The following RASSF8 variants were observed in gnomAD, a reference collection of about 807,000 sequenced individuals.
RASSF8 encodes ras association domain-containing protein 8.
A neutral mutation model predicts 48.5 loss-of-function variants in RASSF8; 22 were observed. That is an observed-to-expected ratio of 0.45 (90% CI 0.32 to 0.65). RASSF8 has a LOEUF of 0.65. Among genes scored for constraint, RASSF8 ranks in the 30% least tolerant of loss-of-function variants. The pLI is 0.03. For missense variants in RASSF8, 418 were observed against 489.2 expected, an observed-to-expected ratio of 0.85 and a Z score of 1.37; for synonymous variants, 127 against 171.5, an observed-to-expected ratio of 0.74 and a Z score of 2.03.
In RASSF8 at chr12:26,070,403, T is replaced by C. The variant is rs1943974114; in HGVS notation, c.*1585T>C. 1 of 985,262 alleles carries C rather than the reference T, an allele frequency of 1.0e-6. No individual in the cohort carries two copies. The allele number at this position is 985,262 out of a possible 1,614,324, so 61.0% of individuals were successfully genotyped here. A position where few individuals can be genotyped will look rare whatever the true frequency, so the allele number is the denominator to read the frequency against. The stretch of plus-strand genomic sequence containing the variant: ...GAAGCTTCTAGAGAACTGAAAGTCA[T>C]AATGCAGAGTTGCCTTTTCTAGTGC... On this transcript the variant is annotated 3_prime_UTR_variant, in exon 6 of 6. Coordinates refer to ENST00000689635, the MANE Select transcript of RASSF8 (RefSeq NM_001394098.1).
At chr12:26,065,464 C>A in intron 4 of RASSF8, 77 bp downstream of exon 4, 4 of 1,473,140 alleles carry the variant, frequency 2.7e-6, no homozygotes, top group Non-Finnish European at 2.7e-6. Context: ...TCATCATTGT[C>A]AATTTTTCCT....
intron 5 of RASSF8, 132 bp downstream of exon 5, chr12:26,067,845 A>T: frequency 8.4e-7 from 1 of 1,193,512 alleles, no homozygotes; most frequent in Admixed American, 2.3e-5. Context: ...GGCTTACTGC[A>T]GCCTCGACCT....
intron 2 of RASSF8, among the ~76,000 whole-genome samples, chr12:26,011,228 G>A (rs974314444): frequency 2.6e-5 from 4 of 152,194 alleles, no homozygotes; most frequent in Non-Finnish European, 5.9e-5. Flanking sequence ...GTTAGCCCCA[G>A]TTCTGCCTAA....
chr12:26,006,431 T>C (rs909148040), intron 2 of RASSF8, among the ~76,000 whole-genome samples: 3 of 152,238 alleles, frequency 2.0e-5, no homozygotes, highest in African/African-American at 7.2e-5. Flanking sequence ...GTTTGAAGAC[T>C]AAATTATATA....
Position 26,065,897 on chromosome 12 carries a change from A to G in RASSF8, c.993+510A>G, listed in dbSNP as rs1943862764. Among the ~76,000 whole-genome samples the G allele has an allele frequency of 2.0e-5, 3 of 152,220 alleles. 1 individual carries two copies. The highest frequency in any genetic ancestry group is 1.3e-4 in the Admixed American group (2 of 15,292). Reference sequence around the variant, plus strand: ...TTTCTGTCTGATTTTCCCCCTTTCTAGTTCACATACGAGAAGTTCTATTTT... The same window carrying G: ...TTTCTGTCTGATTTTCCCCCTTTCTGGTTCACATACGAGAAGTTCTATTTT... On this transcript the variant is annotated intron_variant, in intron 4 of 5. Transcript: ENST00000689635.
At chr12:25,961,161 C>T (rs1013760748) in intron 1 of RASSF8, among the ~76,000 whole-genome samples, 1 of 150,932 alleles carries the variant, frequency 6.6e-6, no homozygotes, top group Non-Finnish European at 1.5e-5. Flanking sequence ...GTTTCTGACT[C>T]ATTAATTGAT....
At position 26,065,448 on chromosome 12, in the gene RASSF8, T is replaced by G. The variant is rs1261140391; in HGVS notation, c.993+61T>G. The stretch of plus-strand genomic sequence containing the variant: ...TGTAAAATAGTATCTTCTTGGAATC[T>G]CCTTTTCATCATTGTCAATTTTTCC... On this transcript the variant is annotated intron_variant, in intron 4 of 5. Coordinates refer to ENST00000689635, the MANE Select transcript of RASSF8 (RefSeq NM_001394098.1). The G allele has an allele frequency of 4.7e-6, 7 of 1,487,756 alleles. No homozygotes were observed. The African/African-American group carries it at 9.9e-5, about 21-fold the overall frequency. The allele number at this position is 1,487,756 out of a possible 1,614,324, so 92.2% of individuals were successfully genotyped here.
chr12:25,994,273 A>AT (rs539646043), intron 1 of RASSF8, among the ~76,000 whole-genome samples: 2 of 39,750 alleles, frequency 5.0e-5, no homozygotes, highest in African/African-American at 1.3e-4. Context: ...GTCTGGATAG[A>AT]TTTTTAAAAA....
chr12:26,077,003 C>A (rs1156705990), downstream of RASSF8, among the ~76,000 whole-genome samples: 2 of 152,228 alleles, frequency 1.3e-5, no homozygotes, highest in Admixed American at 6.5e-5. Flanking sequence ...ATTTGCATTT[C>A]TCTGATGACC....
exon 6 of RASSF8, chr12:26,079,216 T>TA: frequency 1.8e-6 from 1 of 551,930 alleles, no homozygotes; most frequent in Non-Finnish European, 3.1e-6. Flanking sequence ...TGCAAACCGT[T>TA]ATCTGGTAAG....
intron 1 of RASSF8, among the ~76,000 whole-genome samples, chr12:25,986,405 T>G (rs1246590183): frequency 2.0e-5 from 3 of 152,214 alleles, no homozygotes; most frequent in Non-Finnish European, 2.9e-5. Flanking sequence ...ATTAGAATGT[T>G]TGCTGTTATC....
intron 2 of RASSF8, among the ~76,000 whole-genome samples, chr12:26,031,269 A>G (rs532635723): frequency 5.3e-5 from 8 of 152,264 alleles, no homozygotes; most frequent in South Asian, 2.1e-4. Flanking sequence ...GATTTTGCCA[A>G]TTGTCAAACC....
At chr12:25,993,066 G>T (rs1942052623) in intron 1 of RASSF8, among the ~76,000 whole-genome samples, 1 of 152,178 alleles carries the variant, frequency 6.6e-6, no homozygotes, top group Admixed American at 6.5e-5. Flanking sequence ...GTTCACAAGA[G>T]CCCAAGCCCT....
chr12:26,022,021 C>T (rs1027115533), intron 2 of RASSF8, among the ~76,000 whole-genome samples: 1 of 152,146 alleles, frequency 6.6e-6, no homozygotes, highest in Non-Finnish European at 1.5e-5. Flanking sequence ...CTAAGAAGAG[C>T]GCTCCCTCTT....
At chr12:25,963,375 T>C (rs1477223420) in intron 1 of RASSF8, among the ~76,000 whole-genome samples, 3 of 151,100 alleles carry the variant, frequency 2.0e-5, no homozygotes, top group Non-Finnish European at 4.4e-5. Context: ...AAGGAAGGCT[T>C]ACAGCTTTGA....
chr12:26,071,402 GT>G lies in RASSF8; in HGVS notation c.*2592del, dbSNP rs982581114. The stretch of plus-strand genomic sequence containing the variant: ...ACTAAATTAGATTTCAATGTTTTGT[GT>G]TTTTTTTAAAAAAATCATATTGCAA... On this transcript the variant is annotated 3_prime_UTR_variant, in exon 6 of 6. Transcript: ENST00000689635. The G allele has an allele frequency of 1.8e-5, 17 of 937,774 alleles. No individual in the cohort carries two copies. Among genetic ancestry groups the G allele is most frequent in the South Asian group, 4.9e-5 (1 of 20,330 alleles). 58.1% of individuals were successfully genotyped at this position (937,774 alleles called of 1,614,324 possible). A position where few individuals can be genotyped will look rare whatever the true frequency, so the allele number is the denominator to read the frequency against.
intron 1 of RASSF8, among the ~76,000 whole-genome samples, chr12:25,976,878 C>G (rs146809661): frequency 7.2e-5 from 11 of 152,268 alleles, no homozygotes; most frequent in African/African-American, 2.6e-4. Flanking sequence ...AGCCTAACAC[C>G]ACATGCTTGG....
chr12:25,972,434 G>A (rs1255501512), intron 1 of RASSF8, among the ~76,000 whole-genome samples: 1 of 151,980 alleles, frequency 6.6e-6, no homozygotes, highest in Non-Finnish European at 1.5e-5. Context: ...AAAAGAGTAA[G>A]GGCATTTACT....
downstream of RASSF8, chr12:26,072,943 A>G: frequency 5.5e-6 from 3 of 544,844 alleles, no homozygotes; most frequent in Non-Finnish European, 7.0e-6. Flanking sequence ...AAGATACCAA[A>G]GAGAATAGTG....
Sources: gnomAD v4.1 joint callset for allele counts (sites outside exome capture counted in the v4.1 genomes callset) on GRCh38, gnomAD v4.1.1 for gene constraint, MANE v1.5 for transcripts, NCBI Gene and HGNC (gene_info 2026-07-23, HGNC 2026-07-21) for gene names.